Variants in HERC1 observed in about 807,000 individuals in gnomAD.
HERC1 encodes the protein probable E3 ubiquitin-protein ligase HERC1.
In HERC1, 160 loss-of-function variants were observed where a neutral mutation model predicts 554.3. That is an observed-to-expected ratio of 0.29 (90% CI 0.25 to 0.33). The LOEUF (loss-of-function observed/expected upper bound fraction) is 0.33, where lower values mean the gene tolerates loss of function less well. HERC1 is among the 10% of genes least tolerant of loss of function. HERC1 has a pLI of 1.00. For missense variants in HERC1, 4,919 were observed against 5,918.5 expected (o/e 0.83, Z 5.54); for synonymous variants, 2,175 against 2,131.7 (o/e 1.02, Z -0.56).
intron 3 of HERC1, 23 bp downstream of exon 3, chr15:63,764,073 C>T (rs749629796): frequency 1.3e-6 from 2 of 1,512,616 alleles, no homozygotes; most frequent in Non-Finnish European, 1.8e-6. Context: ...GTTGTTAATA[C>T]AAAAGCCACG....
chr15:63,782,574 G>A (rs1462547693), intron 1 of HERC1, among the ~76,000 whole-genome samples: 1 of 152,242 alleles, frequency 6.6e-6, no homozygotes, highest in African/African-American at 2.4e-5. Context: ...TTCATGTTGT[G>A]TTCATGCCTA....
At chr15:63,693,935 G>A (rs2072264104) in intron 30 of HERC1, 29 bp downstream of exon 30, 2 of 1,540,578 alleles carry the variant, frequency 1.3e-6, no homozygotes, top group Admixed American at 2.0e-5. Flanking sequence ...ATGCTTGTAA[G>A]TAAAGACAGA....
At chr15:63,700,535 A>G (rs2072659528) in intron 25 of HERC1, among the ~76,000 whole-genome samples, 1 of 152,226 alleles carries the variant, frequency 6.6e-6, no homozygotes, top group East Asian at 1.9e-4. Flanking sequence ...CACGGAGCTA[A>G]TATTACAAAG....
chr15:63,691,203 T>C (rs1427075876), intron 31 of HERC1, among the ~76,000 whole-genome samples: 1 of 152,198 alleles, frequency 6.6e-6, no homozygotes, highest in Non-Finnish European at 1.5e-5. Context: ...TGGTGACCCA[T>C]GCCTGTAATC....
At chr15:63,732,205 C>T (rs559250292) in intron 14 of HERC1, among the ~76,000 whole-genome samples, 1 of 152,096 alleles carries the variant, frequency 6.6e-6, no homozygotes, top group South Asian at 2.1e-4. Context: ...TTCACCATAT[C>T]GGCCAGGCTG....
In HERC1 at chr15:63,656,352, G is replaced by A; in HGVS notation, c.9606C>T (p.Ser3202=). 6.2e-7 allele frequency: 1 copy of A among 1,605,936 alleles called. No individual in the cohort carries two copies. Residue 3202 remains serine, a synonymous_variant, in exon 49 of 78, where the codon TCC becomes TCT. Transcript: ENST00000443617. The part of the protein sequence containing the change: ...RALSLLSVSG[S]SCSLAAGLES... Reference sequence around the variant, plus strand: ...CAAGACCAGCAGCCAGGCTACAACTGGAACCACTGCCAGTAAAGAAAAACA... The same window carrying A: ...CAAGACCAGCAGCCAGGCTACAACTAGAACCACTGCCAGTAAAGAAAAACA...
At position 63,647,950 on chromosome 15, in the gene HERC1, T is replaced by C. The variant is rs796308598; in HGVS notation, c.10878+119A>G. On this transcript the variant is annotated intron_variant, in intron 55 of 77. Coordinates refer to ENST00000443617, the MANE Select transcript of HERC1 (RefSeq NM_003922.4). Reference sequence around the variant, plus strand: ...ATGAGAGATTACTTGATGGGTACAATGTATGTCATTTGGGTGATGGATATC... The same window carrying C: ...ATGAGAGATTACTTGATGGGTACAACGTATGTCATTTGGGTGATGGATATC... The C allele has an allele frequency of 1.2e-5, 9 of 777,600 alleles. No individual in the cohort carries two copies. In the African/African-American group the frequency reaches 1.6e-4, roughly 13 times the overall value. The allele number at this position is 777,600 out of a possible 1,614,324, so 48.2% of individuals were successfully genotyped here.
chr15:63,682,818 A>G (rs12915304), intron 34 of HERC1, among the ~76,000 whole-genome samples: 35,487 of 151,638 alleles, frequency 0.23, 4,852 homozygotes, highest in Middle Eastern at 0.38. Flanking sequence ...TGGCAACTAC[A>G]TCTGGATGTA....
In HERC1 at chr15:63,639,641, T is replaced by C. The variant is rs182571768; in HGVS notation, c.11901+511A>G. 1.6e-3 allele frequency among the ~76,000 whole-genome samples: 237 copies of C among 152,384 alleles called. 2 individuals are homozygous for C. Among genetic ancestry groups the C allele is most frequent in the Middle Eastern group, 3.4e-3 (1 of 294 alleles). On this transcript the variant is annotated intron_variant, in intron 61 of 77. Coordinates refer to ENST00000443617, the MANE Select transcript of HERC1 (RefSeq NM_003922.4). ...AGTATACAAAGAGGTTGTTAGATCA[T>C]GTGCTGTCCTGTAGTCTAAACAGGT... is the stretch of plus-strand genomic sequence containing the variant.
chr15:63,638,386 T>C, intron 63 of HERC1, 25 bp downstream of exon 63: 1 of 1,603,374 alleles, frequency 6.2e-7, no homozygotes, highest in Non-Finnish European at 8.5e-7. Flanking sequence ...CATGTTTCTT[T>C]TCTATTTTTT....
intron 14 of HERC1, among the ~76,000 whole-genome samples, chr15:63,732,669 T>C (rs1010190459): frequency 6.6e-6 from 1 of 152,248 alleles, no homozygotes; most frequent in African/African-American, 2.4e-5. Flanking sequence ...TCTAAAAATG[T>C]TCCTATTTTA....
rs535242418 is a variant in HERC1, at chr15:63,775,723, A to G, written c.-26-74T>C. The G allele has an allele frequency of 1.8e-5, 18 of 991,802 alleles. No homozygotes were observed. The African/African-American group carries it at 2.1e-4, about 12-fold the overall frequency. 61.4% of individuals were successfully genotyped at this position (991,802 alleles called of 1,614,324 possible). On this transcript the variant is annotated intron_variant, in intron 1 of 77. Coordinates refer to ENST00000443617, the MANE Select transcript of HERC1 (RefSeq NM_003922.4). The surrounding 1 kb of genome is among the most constrained non-coding windows in gnomAD (Gnocchi z 4.0). ...AAATGTTTCCAAAATTTCATCTTAC[A>G]TTACAATTAATGATTTCAAACTGGT... is the stretch of plus-strand genomic sequence containing the variant.
rs2074078163 is a variant in HERC1, at chr15:63,727,193, T to C, written c.3346+454A>G. On this transcript the variant is annotated intron_variant, in intron 17 of 77. Transcript: ENST00000443617. The surrounding 1 kb of genome is among the most constrained non-coding windows in gnomAD (Gnocchi z 4.3). Reference sequence around the variant, plus strand: ...CAGGAGGTTGAGCCAGGAGAATCACTTGAACCCGGGAGGCAGAGGTTGCAA... The same window carrying C: ...CAGGAGGTTGAGCCAGGAGAATCACCTGAACCCGGGAGGCAGAGGTTGCAA... Among the ~76,000 whole-genome samples the C allele has an allele frequency of 6.6e-6, 1 of 152,222 alleles. No homozygotes were observed. Among genetic ancestry groups the C allele is most frequent in the Middle Eastern group, 3.4e-3 (1 of 294 alleles).
intron 12 of HERC1, among the ~76,000 whole-genome samples, chr15:63,741,062 C>T (rs1300873277): frequency 2.0e-5 from 3 of 151,782 alleles, no homozygotes; most frequent in Non-Finnish European, 4.4e-5. Context: ...GGACTCTTGC[C>T]CTGTCGCCCA....
chr15:63,615,283 T>G (rs950040152), intron 76 of HERC1, among the ~76,000 whole-genome samples: 23 of 152,180 alleles, frequency 1.5e-4, no homozygotes, highest in African/African-American at 4.8e-4. Flanking sequence ...GAAAAAGGCC[T>G]GAGAAGTCTC....
chr15:63,747,239 C>T (rs1403623829), intron 11 of HERC1, among the ~76,000 whole-genome samples, 156 bp from the exon 12 acceptor site: 1 of 152,058 alleles, frequency 6.6e-6, no homozygotes, highest in African/African-American at 2.4e-5. Flanking sequence ...GTGGGTGGAT[C>T]ACCTGAAGTC....
chr15:63,765,100 G>A (rs1374923355), intron 2 of HERC1, among the ~76,000 whole-genome samples: 2 of 152,210 alleles, frequency 1.3e-5, no homozygotes, highest in Non-Finnish European at 2.9e-5. Flanking sequence ...GATAGCTACA[G>A]ATGAAAGGGT....
rs867709045 is a variant in HERC1 at position 63,686,357 on chromosome 15, A to G, written c.6225+2T>C. 1.3e-6 allele frequency: 2 copies of G among 1,591,916 alleles called. No individual in the cohort carries two copies. The highest frequency in any genetic ancestry group is 1.2e-5 in the South Asian group (1 of 86,318). On this transcript the variant is annotated splice_donor_variant, in intron 34 of 77. Transcript: ENST00000443617. LOFTEE classifies it high-confidence loss of function. ...CTAAAAACTATTAGATTTTCTACGT[A>G]CCTTCCACTGATAGCACCCAGAAGT...
At chr15:63,717,924 T>TAG (rs2073635216) in intron 21 of HERC1, among the ~76,000 whole-genome samples, 1 of 152,114 alleles carries the variant, frequency 6.6e-6, no homozygotes, top group African/African-American at 2.4e-5. Flanking sequence ...GGTAGACAAC[T>TAG]CTAATCATCA....
Sources: gnomAD v4.1 joint callset for allele counts (sites outside exome capture counted in the v4.1 genomes callset) on GRCh38, gnomAD v4.1.1 for gene constraint, Gnocchi (gnomAD v3.1) non-coding constraint, MANE v1.5 for transcripts, NCBI Gene and HGNC (gene_info 2026-07-23, HGNC 2026-07-21) for gene names.